ITGA2: variants seen among roughly 807,000 people sequenced by gnomAD.
ITGA2 encodes the protein integrin subunit alpha 2, also known as integrin alpha-2.
Under a neutral mutation model 146.3 loss-of-function variants are expected in ITGA2, and 101 were observed. The observed-to-expected ratio is 0.69, with a 90% CI of 0.59 to 0.81. ITGA2 has a LOEUF of 0.81. ITGA2 is among the 40% of genes least tolerant of loss of function. The pLI, the probability that ITGA2 is intolerant of heterozygous loss-of-function variation, is 0.00. For missense variants in ITGA2, 1,281 were observed against 1,402.7 expected, an observed-to-expected ratio of 0.91 and a Z score of 1.39; for synonymous variants, 477 against 487.1, an observed-to-expected ratio of 0.98 and a Z score of 0.27.
At position 53,075,144 on chromosome 5, in the gene ITGA2, C is replaced by T. The variant is rs776538586; in HGVS notation, c.2741+7C>T. On this transcript the variant is annotated splice_region_variant and intron_variant, in intron 22 of 29. Transcript: ENST00000296585. ...TCAGTTTCCAAGCCTTAAGGTAAAA[C>T]ATAATGAAGTCATGAATGGAATGAT... The T allele has an allele frequency of 4.4e-6, 7 of 1,608,806 alleles. No homozygotes were observed. In the South Asian group the frequency reaches 6.6e-5, roughly 15 times the overall value.
At chr5:53,073,323 T>C in intron 20 of ITGA2, 64 bp downstream of exon 20, 1 of 1,560,044 alleles carries the variant, frequency 6.4e-7, no homozygotes, top group Non-Finnish European at 8.8e-7. Context: ...CTGTCTTCTC[T>C]ATGTCCTCTG....
chr5:53,054,843 C>T (rs980071888), intron 7 of ITGA2, among the ~76,000 whole-genome samples: 1 of 152,032 alleles, frequency 6.6e-6, no homozygotes, highest in Non-Finnish European at 1.5e-5. Context: ...GTGTATTCTG[C>T]TCAGGTGATG....
chr5:53,045,776 A>G (rs1276610976), intron 4 of ITGA2, among the ~76,000 whole-genome samples: 1 of 152,200 alleles, frequency 6.6e-6, no homozygotes, highest in East Asian at 1.9e-4. Context: ...GGATTTGACT[A>G]TATAAAAAAA....
intron 17 of ITGA2, among the ~76,000 whole-genome samples, chr5:53,070,761 T>G (rs1486319318): frequency 6.6e-6 from 1 of 151,914 alleles, no homozygotes; most frequent in Non-Finnish European, 1.5e-5. Flanking sequence ...TTTTGAAAAT[T>G]TCCCAAGTGA....
chr5:53,000,904 T>C (rs1433576844), intron 1 of ITGA2, among the ~76,000 whole-genome samples: 2 of 144,800 alleles, frequency 1.4e-5, no homozygotes, highest in South Asian at 2.2e-4. Context: ...TTTGTTTTTT[T>C]TTTTTTTTTT....
At chr5:53,073,649 C>A (rs1269904677) in intron 20 of ITGA2, among the ~76,000 whole-genome samples, 1 of 151,860 alleles carries the variant, frequency 6.6e-6, no homozygotes, top group Non-Finnish European at 1.5e-5. Context: ...TGCACGCCAG[C>A]AAAGCCAACT....
intron 16 of ITGA2, among the ~76,000 whole-genome samples, chr5:53,068,544 A>C (rs1314187691): frequency 1.3e-5 from 2 of 151,864 alleles, no homozygotes; most frequent in East Asian, 3.9e-4. Flanking sequence ...GCACACTCAA[A>C]AATTCTACTT....
At chr5:53,051,598 T>C (rs965441045) in intron 7 of ITGA2, 39 bp downstream of exon 7, 5 of 1,566,044 alleles carry the variant, frequency 3.2e-6, no homozygotes, top group African/African-American at 1.4e-5. Flanking sequence ...TTTCATAATG[T>C]AAAACATTAT....
At position 53,092,208 on chromosome 5, in the gene ITGA2, A is replaced by T. The variant is rs1209540104; in HGVS notation, c.*1609A>T. The T allele has an allele frequency of 6.6e-6, 1 of 152,222 alleles. No individual in the cohort carries two copies. The highest frequency in any genetic ancestry group is 1.5e-5 in the Non-Finnish European group (1 of 68,038). 9.4% of individuals were successfully genotyped at this position (152,222 alleles called of 1,614,324 possible). A position where few individuals can be genotyped will look rare whatever the true frequency, so the allele number is the denominator to read the frequency against. On this transcript the variant is annotated 3_prime_UTR_variant, in exon 30 of 30. Transcript: ENST00000296585. ...AGACACTACATATCTAAAGCTTTGG[A>T]CAAGTCCTTGACCTCTATAAACTTC...
At chr5:53,088,854 C>A (rs965657729) in intron 28 of ITGA2, among the ~76,000 whole-genome samples, 5 of 152,098 alleles carry the variant, frequency 3.3e-5, no homozygotes, top group African/African-American at 4.8e-5. Flanking sequence ...AATAACTTCA[C>A]ATGTTCCTAA....
chr5:53,042,119 G>A lies in ITGA2; in HGVS notation c.193G>A (p.Val65Ile). 6.2e-7 allele frequency: 1 copy of A among 1,607,374 alleles called. No homozygotes were observed. The highest frequency in any genetic ancestry group is 8.5e-7 in the Non-Finnish European group (1 of 1,173,916). The change falls in exon 3 of 30, where the codon GTT becomes ATT. Residue 65 changes from valine to isoleucine, a missense_variant. Transcript: ENST00000296585. ...AAAAAAATGTGTTTCTAGGTTACTGGTTGGTTCACCCTGGAGTGGCTTTCC... is the reference window on the plus strand; with the variant it reads ...AAAAAAATGTGTTTCTAGGTTACTGATTGGTTCACCCTGGAGTGGCTTTCC... Reference protein sequence around the residue: ...FINPKGNWLLVGSPWSGFPEN... With the variant: ...FINPKGNWLLIGSPWSGFPEN...
chr5:53,010,444 T>G (rs1299117586), intron 1 of ITGA2, among the ~76,000 whole-genome samples: 11 of 152,148 alleles, frequency 7.2e-5, no homozygotes, highest in Non-Finnish European at 1.5e-5. Flanking sequence ...ATTGCTGCCT[T>G]TTGAAATGGG....
At chr5:53,025,485 C>T (rs1169614053) in intron 1 of ITGA2, among the ~76,000 whole-genome samples, 3 of 152,150 alleles carry the variant, frequency 2.0e-5, no homozygotes, top group East Asian at 3.9e-4. Flanking sequence ...ATCCCTGATA[C>T]AGTGATTTTG....
At chr5:53,023,287 C>T (rs1742776779) in intron 1 of ITGA2, among the ~76,000 whole-genome samples, 2 of 152,194 alleles carry the variant, frequency 1.3e-5, no homozygotes. Context: ...TCTTCTCTTT[C>T]ACACCCTATG....
intron 1 of ITGA2, among the ~76,000 whole-genome samples, chr5:52,997,717 T>C (rs1294641799): frequency 2.0e-5 from 3 of 152,166 alleles, no homozygotes; most frequent in Non-Finnish European, 2.9e-5. Context: ...ACAACTCTAT[T>C]CCAAATTGTT....
intron 13 of ITGA2, among the ~76,000 whole-genome samples, chr5:53,064,652 C>A (rs1745063996): frequency 6.6e-6 from 1 of 151,928 alleles, no homozygotes; most frequent in Admixed American, 6.6e-5. Flanking sequence ...AAGCAATCCT[C>A]CCACTTCAGC....
intron 2 of ITGA2, among the ~76,000 whole-genome samples, chr5:53,036,694 C>T (rs1435318264): frequency 6.6e-6 from 1 of 152,166 alleles, no homozygotes; most frequent in African/African-American, 2.4e-5. Flanking sequence ...ATATGGTTTA[C>T]TTACTTATTA....
intron 7 of ITGA2, among the ~76,000 whole-genome samples, chr5:53,053,228 TACTTCCGTC>T (rs779375675): frequency 2.2e-4 from 33 of 152,292 alleles, no homozygotes; most frequent in Non-Finnish European, 4.3e-4. Context: ...TTTCAGTTGC[TACTTCCGTC>T]AACTGGTGAC....
At chr5:53,055,832 A>AT in intron 8 of ITGA2, 144 bp downstream of exon 8, 1 of 1,259,610 alleles carries the variant, frequency 7.9e-7, no homozygotes, top group Non-Finnish European at 1.2e-6. Flanking sequence ...CTTCTTGATG[A>AT]TTTTCAATCC....
Sources: allele counts gnomAD v4.1 joint callset (sites outside exome capture counted in the v4.1 genomes callset), GRCh38; gene constraint gnomAD v4.1.1; transcripts MANE v1.5; gene names NCBI Gene and HGNC (gene_info 2026-07-23, HGNC 2026-07-21).